The following SPTAN1 variants were observed in gnomAD, a reference collection of about 807,000 sequenced individuals.
SPTAN1 encodes the protein spectrin alpha chain, non-erythrocytic 1.
Under a neutral mutation model 331.3 loss-of-function variants are expected in SPTAN1, and 61 were observed. The ratio of observed to expected loss-of-function variants is 0.18; its 90% CI spans 0.15 to 0.23. The LOEUF (loss-of-function observed/expected upper bound fraction) is 0.23. Among genes scored for constraint, SPTAN1 ranks in the 10% least tolerant of loss-of-function variants. The pLI is 1.00. For synonymous variants in SPTAN1, 1,153 were observed against 1,173.9 expected (o/e 0.98, Z 0.36); for missense variants, 2,043 against 3,147.9 (o/e 0.65, Z 8.40).
rs1859845993 is a variant in SPTAN1 at position 128,632,104 on chromosome 9, A to T, written c.6763-23A>T. On this transcript the variant is annotated intron_variant, in intron 52 of 56. Transcript: ENST00000372739. ...CTGAGCTGAGGGCCCCCGTCTGAGC[A>T]TCTGTGCTCCCCACCCCTGCAGCGC... 2.5e-6 allele frequency: 4 copies of T among 1,611,634 alleles called. No individual in the cohort carries two copies. The East Asian group carries it at 6.7e-5, about 27-fold the overall frequency.
chr9:128,624,977 G>A, intron 46 of SPTAN1, 126 bp from the exon 47 acceptor site: 1 of 912,854 alleles, frequency 1.1e-6, no homozygotes, highest in Non-Finnish European at 1.8e-6. Flanking sequence ...TGGGTTCTGA[G>A]GCTGTAGTTA....
intron 1 of SPTAN1, among the ~76,000 whole-genome samples, chr9:128,561,567 G>A (rs1173554217): frequency 9.6e-5 from 14 of 146,498 alleles, no homozygotes; most frequent in African/African-American, 3.0e-4. Flanking sequence ...GGAGGCTGAG[G>A]CAGGAGAATG....
At chr9:128,603,325 A>C (rs181699065) in intron 27 of SPTAN1, among the ~76,000 whole-genome samples, 1 of 152,286 alleles carries the variant, frequency 6.6e-6, no homozygotes, top group African/African-American at 2.4e-5. Flanking sequence ...TCATCAGATA[A>C]AATTAATTAC....
chr9:128,612,724 G>A (rs11787928), intron 39 of SPTAN1, among the ~76,000 whole-genome samples: 5,173 of 152,172 alleles, frequency 0.034, 133 homozygotes, highest in Non-Finnish European at 0.051. Context: ...TCAGGAGTTC[G>A]AGACCAGCCT....
In SPTAN1 at chr9:128,564,343, C is replaced by T. The variant is rs968184782; in HGVS notation, c.-3-2395C>T. On this transcript the variant is annotated intron_variant, in intron 1 of 56. Coordinates refer to ENST00000372739, the MANE Select transcript of SPTAN1 (RefSeq NM_001130438.3). ...CTGAGGCAGGAGAATTGCTTGAACC[C>T]GGGATGCAGAGGTTTCAATGAGCCA... Among the ~76,000 whole-genome samples, 10 of 151,800 alleles carry T rather than the reference C, an allele frequency of 6.6e-5. No homozygotes were observed. In the East Asian group the frequency reaches 7.8e-4, roughly 12 times the overall value.
chr9:128,579,323 A>G (rs1338340386), intron 9 of SPTAN1, among the ~76,000 whole-genome samples: 1 of 152,222 alleles, frequency 6.6e-6, no homozygotes, highest in Non-Finnish European at 1.5e-5. Context: ...AAATCATAGT[A>G]AACAAGTCCA....
intron 29 of SPTAN1, 72 bp from the exon 30 acceptor site, chr9:128,604,962 A>AT (rs1028838955): frequency 5.0e-5 from 71 of 1,432,516 alleles, no homozygotes; most frequent in African/African-American, 3.3e-4. Context: ...AAATAAATAA[A>AT]TTTTTTTTAG....
chr9:128,617,780 G>A lies in SPTAN1; in HGVS notation c.5478+20G>A, dbSNP rs1045518212. 8 of 1,613,336 alleles carry A rather than the reference G, an allele frequency of 5.0e-6. No homozygotes were observed. The highest frequency in any genetic ancestry group is 6.8e-6 in the Non-Finnish European group (8 of 1,179,898). On this transcript the variant is annotated intron_variant, in intron 42 of 56. Transcript: ENST00000372739. ...ATTCAGGTAAGGAGGCCGCCTTCTG[G>A]CCAAGAGGGCAGAGGTGTTTGAGTG... is the stretch of plus-strand genomic sequence containing the variant.
At chr9:128,632,037 G>A in intron 52 of SPTAN1, 90 bp from the exon 53 acceptor site, 1 of 1,398,536 alleles carries the variant, frequency 7.2e-7, no homozygotes, top group Non-Finnish European at 9.9e-7. Flanking sequence ...GCCAGGCCTG[G>A]AGCAGGAACC....
intron 23 of SPTAN1, 110 bp downstream of exon 23, chr9:128,593,152 G>A: frequency 5.0e-6 from 6 of 1,209,136 alleles, no homozygotes; most frequent in Non-Finnish European, 7.2e-6. Flanking sequence ...ATGAGGTGGT[G>A]GGAGGAACTG....
At chr9:128,609,559 G>A in intron 36 of SPTAN1, 92 bp from the exon 37 acceptor site, 1 of 1,119,370 alleles carries the variant, frequency 8.9e-7, no homozygotes. Context: ...GCTTCCTGGG[G>A]GAAGTATGAC....
chr9:128,582,860 G>A lies in SPTAN1; in HGVS notation c.1806+11G>A, dbSNP rs1852117830. 1.2e-6 allele frequency: 2 copies of A among 1,611,768 alleles called. No individual in the cohort carries two copies. The highest frequency in any genetic ancestry group is 1.1e-5 in the South Asian group (1 of 91,006). ...GATGAAGCTTATAAAGTAATGTACT[G>A]TTAGTGTTGCCATGTAGCACTCGAT... On this transcript the variant is annotated intron_variant, in intron 14 of 56. Transcript: ENST00000372739.
chr9:128,633,444 T>C lies in SPTAN1; in HGVS notation c.*110T>C. Reference sequence around the variant, plus strand: ...ACTGTAACCTTAAGCCTGCTTAGCTTGGAATAAGACTTAGGAGAAAATGGT... The same window carrying C: ...ACTGTAACCTTAAGCCTGCTTAGCTCGGAATAAGACTTAGGAGAAAATGGT... On this transcript the variant is annotated 3_prime_UTR_variant, in exon 57 of 57. Transcript: ENST00000372739. The C allele has an allele frequency of 6.4e-7, 1 of 1,564,562 alleles. No individual in the cohort carries two copies. Among genetic ancestry groups the C allele is most frequent in the Non-Finnish European group, 8.7e-7 (1 of 1,145,834 alleles).
At chr9:128,574,611 T>C in intron 3 of SPTAN1, 64 bp from the exon 4 acceptor site, 1 of 1,603,546 alleles carries the variant, frequency 6.2e-7, no homozygotes, top group Admixed American at 1.7e-5. Context: ...CTAAACTCTA[T>C]GGAAGAGCCA....
At chr9:128,595,869 C>T (rs1854207927) in intron 24 of SPTAN1, 1 of 152,018 alleles carries the variant, frequency 6.6e-6, no homozygotes, top group Admixed American at 6.6e-5. Flanking sequence ...TTTTTTGAGA[C>T]AAGGTGTTCT....
At chr9:128,604,222 A>G in intron 28 of SPTAN1, 104 bp from the exon 29 acceptor site, 1 of 1,151,792 alleles carries the variant, frequency 8.7e-7, no homozygotes. Flanking sequence ...AGGAAATTAT[A>G]TATGCCCTAG....
chr9:128,629,579 G>A lies in SPTAN1; in HGVS notation c.6708-742G>A, dbSNP rs116463532. 1,213 of 181,514 alleles carry A rather than the reference G, an allele frequency of 6.7e-3. 22 individuals carry two copies. The highest frequency in any genetic ancestry group is 0.027 in the African/African-American group (1,156 of 42,494). 11.2% of individuals were successfully genotyped at this position (181,514 alleles called of 1,614,324 possible). On this transcript the variant is annotated intron_variant, in intron 51 of 56. Coordinates refer to ENST00000372739, the MANE Select transcript of SPTAN1 (RefSeq NM_001130438.3). The surrounding 1 kb of genome is among the most constrained non-coding windows in gnomAD (Gnocchi z 4.9). The stretch of plus-strand genomic sequence containing the variant: ...CGCACCGTGTGATTCGTCCCTGCAC[G>A]TAACCCTAACTCGTTTGTTGTCTTT...
Position 128,577,988 on chromosome 9 carries a change from A to G in SPTAN1, c.1086-122A>G. 2.4e-6 allele frequency: 3 copies of G among 1,228,216 alleles called. No homozygotes were observed. Among genetic ancestry groups the G allele is most frequent in the Non-Finnish European group, 3.6e-6 (3 of 841,476 alleles). The allele number at this position is 1,228,216 out of a possible 1,614,324, so 76.1% of individuals were successfully genotyped here. A position where few individuals can be genotyped will look rare whatever the true frequency, so the allele number is the denominator to read the frequency against. On this transcript the variant is annotated intron_variant, in intron 8 of 56. Coordinates refer to ENST00000372739, the MANE Select transcript of SPTAN1 (RefSeq NM_001130438.3). The surrounding 1 kb of genome is among the most constrained non-coding windows in gnomAD (Gnocchi z 4.2). ...AGATTGGGAAATTTTCATATTTCCC[A>G]GAATTAGAATTTATATAGTTTGTTA...
In SPTAN1 at chr9:128,627,697, G is replaced by C; in HGVS notation, c.6689+199G>C. On this transcript the variant is annotated intron_variant, in intron 50 of 56. Transcript: ENST00000372739. This position sits in a 1 kb window ranked among gnomAD's most constrained non-coding sequence, Gnocchi z 4.9. Reference sequence around the variant, plus strand: ...GTGGAGCAGCCTCTCAGTGCTGCATGTCCCAGACATCAAGTTGTTAGAGAT... The same window carrying C: ...GTGGAGCAGCCTCTCAGTGCTGCATCTCCCAGACATCAAGTTGTTAGAGAT... 11 of 783,998 alleles carry C rather than the reference G, an allele frequency of 1.4e-5. No individual in the cohort carries two copies. The South Asian group carries it at 1.7e-4, about 12-fold the overall frequency. The allele number at this position is 783,998 out of a possible 1,614,324, so 48.6% of individuals were successfully genotyped here.
Sources: gnomAD v4.1 joint callset for allele counts (sites outside exome capture counted in the v4.1 genomes callset) on GRCh38, gnomAD v4.1.1 for gene constraint, Gnocchi (gnomAD v3.1) non-coding constraint, MANE v1.5 for transcripts, NCBI Gene and HGNC (gene_info 2026-07-23, HGNC 2026-07-21) for gene names.